PLXNA1: variants seen among roughly 807,000 people sequenced by gnomAD.
PLXNA1 encodes plexin-A1.
PLXNA1 carries 77 observed loss-of-function variants against 191.7 expected under a neutral mutation model. The observed-to-expected ratio is 0.40, with a 90% CI of 0.33 to 0.49. The LOEUF (loss-of-function observed/expected upper bound fraction) is 0.49, where lower values mean the gene tolerates loss of function less well. Ranked by LOEUF, PLXNA1 falls within the 20% of genes least tolerant of loss-of-function variation. The pLI is 0.63. For missense variants in PLXNA1, 2,110 were observed against 2,660.2 expected (o/e 0.79, Z 4.55); for synonymous variants, 1,137 against 1,156.4 (o/e 0.98, Z 0.34).
At chr3:126,996,495 T>G (rs1202625398) in intron 3 of PLXNA1, among the ~76,000 whole-genome samples, 1 of 152,202 alleles carries the variant, frequency 6.6e-6, no homozygotes, top group African/African-American at 2.4e-5. Context: ...ACTGTGGGGT[T>G]GGCAGCTTGA....
intron 9 of PLXNA1, among the ~76,000 whole-genome samples, chr3:127,009,409 G>A (rs1301539745): frequency 6.6e-6 from 1 of 152,066 alleles, no homozygotes; most frequent in Non-Finnish European, 1.5e-5. Context: ...CACGTGTGGG[G>A]TCGCAGGACT....
At chr3:127,027,399 ACCATAGTTGTGTC>A (rs1258723461) in intron 23 of PLXNA1, 1 of 353,446 alleles carries the variant, frequency 2.8e-6, no homozygotes, top group African/African-American at 2.1e-5. Flanking sequence ...TCCATGACAC[ACCATAGTTGTGTC>A]CCAGAGTAAT....
intron 8 of PLXNA1, among the ~76,000 whole-genome samples, 153 bp downstream of exon 8, chr3:127,006,331 C>T (rs918463706): frequency 4.6e-5 from 7 of 152,102 alleles, no homozygotes; most frequent in East Asian, 1.9e-4. Flanking sequence ...TGAGGCTGGG[C>T]GGTCAGGGAG....
At chr3:127,002,312 G>T (rs1231129350) in intron 3 of PLXNA1, among the ~76,000 whole-genome samples, 3 of 152,226 alleles carry the variant, frequency 2.0e-5, no homozygotes, top group Non-Finnish European at 2.9e-5. Context: ...GGCCGGCGGC[G>T]CTCAGGAATG....
intron 1 of PLXNA1, among the ~76,000 whole-genome samples, chr3:126,983,710 G>A (rs1305344781): frequency 1.3e-5 from 2 of 151,348 alleles, no homozygotes; most frequent in Admixed American, 1.3e-4. Context: ...AGTTTGCGGC[G>A]GCCCCGCGGG....
intron 15 of PLXNA1, 98 bp from the exon 16 acceptor site, chr3:127,016,419 A>G (rs2079123641): frequency 2.8e-6 from 3 of 1,053,634 alleles, no homozygotes; most frequent in Admixed American, 1.8e-5. Context: ...AGTACCTGTG[A>G]CAGATGGCGC....
rs1369390652 is a variant in PLXNA1, at chr3:126,988,503, C to T, written c.-73-18C>T. On this transcript the variant is annotated intron_variant, in intron 1 of 31. Transcript: ENST00000393409. ...GGCCATGCCTGCATTCACATGCCCT[C>T]TTCTGCCCCTTCCCCAGGGCTGAAG... is the stretch of plus-strand genomic sequence containing the variant. The T allele has an allele frequency of 3.5e-6, 4 of 1,153,948 alleles. No individual in the cohort carries two copies. The highest frequency in any genetic ancestry group is 4.7e-6 in the Non-Finnish European group (4 of 842,482). The allele number at this position is 1,153,948 out of a possible 1,614,324, so 71.5% of individuals were successfully genotyped here.
rs747725820 is a variant in PLXNA1 at position 126,989,786 on chromosome 3, C to T, written c.1193C>T (p.Ser398Leu). The change falls in exon 2 of 32, where the codon TCG (serine) becomes TTG (leucine). Residue 398 changes from serine (S) to leucine (L), a missense_variant and splice_region_variant. Around this residue, in one of 4 missense-constraint regions of PLXNA1, gnomAD observed 903 missense variants for 1,015.7 expected, o/e 0.89. Transcript: ENST00000393409. ...AACAAGGAGCTGGGCTGCATCAACTCGGTGAGTTGGGCAGGGGCGCCCCTC... is the reference window on the plus strand; with the variant it reads ...AACAAGGAGCTGGGCTGCATCAACTTGGTGAGTTGGGCAGGGGCGCCCCTC... Reference protein sequence around the residue: ...LLNKELGCINSPLQIDDDFCG... With the variant: ...LLNKELGCINLPLQIDDDFCG... 2.5e-6 allele frequency: 4 copies of T among 1,601,406 alleles called. No homozygotes were observed. The highest frequency in any genetic ancestry group is 1.1e-5 in the South Asian group (1 of 89,662).
chr3:127,017,314 T>G, intron 17 of PLXNA1, 111 bp from the exon 18 acceptor site: 1 of 1,441,828 alleles, frequency 6.9e-7, no homozygotes, highest in Non-Finnish European at 9.3e-7. Flanking sequence ...TGCTAGTGCC[T>G]GGCATCATCT....
chr3:127,017,319 T>C, intron 17 of PLXNA1, 106 bp from the exon 18 acceptor site: 1 of 1,452,256 alleles, frequency 6.9e-7, no homozygotes, highest in Non-Finnish European at 9.3e-7. Flanking sequence ...GTGCCTGGCA[T>C]CATCTGTGCA....
At chr3:127,029,791 C>T (rs2079197570) in intron 27 of PLXNA1, 83 bp from the exon 28 acceptor site, 2 of 1,440,888 alleles carry the variant, frequency 1.4e-6, no homozygotes, top group Non-Finnish European at 9.2e-7. Flanking sequence ...GGGTGCCATC[C>T]CCAGCTTTCA....
chr3:126,998,908 G>A (rs1444689309), intron 3 of PLXNA1, among the ~76,000 whole-genome samples: 1 of 152,196 alleles, frequency 6.6e-6, no homozygotes, highest in Non-Finnish European at 1.5e-5. Flanking sequence ...TCCAGCCCTC[G>A]GGCTTCCTGC....
In PLXNA1 at chr3:127,010,508, G is replaced by A. The variant is rs529407564; in HGVS notation, c.2113-1450G>A. ...GGTATGGGGAGCACCTGAGAGGACC[G>A]GGTGTGGCCCAGGCAGCCAGTCAGC... On this transcript the variant is annotated intron_variant, in intron 9 of 31. Transcript: ENST00000393409. 8.2e-4 allele frequency among the ~76,000 whole-genome samples: 125 copies of A among 152,296 alleles called. 1 individual carries two copies. The highest frequency in any genetic ancestry group is 2.1e-3 in the South Asian group (10 of 4,828).
chr3:126,999,048 G>A (rs1404427664), intron 3 of PLXNA1, among the ~76,000 whole-genome samples: 1 of 152,216 alleles, frequency 6.6e-6, no homozygotes, highest in Non-Finnish European at 1.5e-5. Context: ...GTCCACAGCT[G>A]GAGGAGGGGG....
At chr3:127,023,063 C>T (rs573043284) in intron 23 of PLXNA1, among the ~76,000 whole-genome samples, 11 of 152,240 alleles carry the variant, frequency 7.2e-5, no homozygotes, top group Non-Finnish European at 1.6e-4. Context: ...TGTGGGAGTT[C>T]GGATACAGGC....
In PLXNA1 at chr3:127,036,750, CTGCGGCACATG is replaced by C; in HGVS notation, c.*2737_*2747del. ...GCCCTGTGTCTGCAGGGAGCCAGGG[CTGCGGCACATG>C]TGCTGTGAAACTGGCACCCACCTGG... On this transcript the variant is annotated 3_prime_UTR_variant, in exon 32 of 32. Transcript: ENST00000393409. 1 of 152,384 alleles carries C rather than the reference CTGCGGCACATG, an allele frequency of 6.6e-6. No individual in the cohort carries two copies. The highest frequency in any genetic ancestry group is 2.1e-4 in the South Asian group (1 of 4,830). 9.4% of individuals were successfully genotyped at this position (152,384 alleles called of 1,614,324 possible).
At chr3:127,001,738 T>C (rs533136354) in intron 3 of PLXNA1, among the ~76,000 whole-genome samples, 1 of 152,344 alleles carries the variant, frequency 6.6e-6, no homozygotes, top group South Asian at 2.1e-4. Context: ...CGGTGATTGC[T>C]GTGGGCCTGG....
intron 1 of PLXNA1, among the ~76,000 whole-genome samples, chr3:126,986,683 A>G (rs531441377): frequency 2.0e-5 from 3 of 152,160 alleles, no homozygotes; most frequent in African/African-American, 7.2e-5. Flanking sequence ...GGCCGGGAGA[A>G]TGGGAGCAAT....
intron 1 of PLXNA1, among the ~76,000 whole-genome samples, chr3:126,984,048 C>T (rs1397386463): frequency 6.6e-6 from 1 of 152,208 alleles, no homozygotes; most frequent in African/African-American, 2.4e-5. Context: ...GCCGCTTCTC[C>T]CGGAGGCTTC....
Sources: allele counts gnomAD v4.1 joint callset (sites outside exome capture counted in the v4.1 genomes callset), GRCh38; gene constraint gnomAD v4.1.1; regional missense constraint gnomAD v4.1.1; transcripts MANE v1.5; gene names NCBI Gene and HGNC (gene_info 2026-07-23, HGNC 2026-07-21).